Variants in HPGDS observed in about 807,000 individuals in gnomAD.
HPGDS encodes hematopoietic prostaglandin D synthase, also known as GST class-sigma.
A neutral mutation model predicts 23.1 loss-of-function variants in HPGDS; 26 were observed. The ratio of observed to expected loss-of-function variants is 1.13; its 90% CI spans 0.83 to 1.56. The LOEUF (loss-of-function observed/expected upper bound fraction) is 1.56, where lower values mean the gene tolerates loss of function less well. Among genes scored for constraint, HPGDS ranks in the 40% most tolerant of loss-of-function variants. The pLI, the probability that HPGDS is intolerant of heterozygous loss-of-function variation, is 0.00. For missense variants in HPGDS, 268 were observed against 236.4 expected (o/e 1.13, Z -0.88); for synonymous variants, 95 against 77.9 (o/e 1.22, Z -1.16).
At chr4:94,324,235 G>A (rs574249395) in intron 2 of HPGDS, among the ~76,000 whole-genome samples, 23 of 152,184 alleles carry the variant, frequency 1.5e-4, no homozygotes, top group African/African-American at 5.3e-4. Context: ...ACGATTACAT[G>A]TCTTGGAGTT....
intron 1 of HPGDS, among the ~76,000 whole-genome samples, chr4:94,337,385 A>G (rs1721044202): frequency 6.6e-6 from 1 of 152,030 alleles, no homozygotes; most frequent in Non-Finnish European, 1.5e-5. Flanking sequence ...ATTAAAAGTT[A>G]TTAGCATTAC....
chr4:94,325,879 G>A (rs1280084329), intron 2 of HPGDS, among the ~76,000 whole-genome samples: 3 of 152,116 alleles, frequency 2.0e-5, no homozygotes, highest in Non-Finnish European at 4.4e-5. Flanking sequence ...CACGCTGGGA[G>A]CTGCAGACTG....
chr4:94,310,651 GT>G lies in HPGDS; in HGVS notation c.227-1909del, dbSNP rs575889959. On this transcript the variant is annotated intron_variant, in intron 3 of 5. Coordinates refer to ENST00000295256, the MANE Select transcript of HPGDS (RefSeq NM_014485.3). ...TTGGTTCCATATGAACTTTAAAGTA[GT>G]TTTTTTCCAATTCTGTGAAGAAAGT... Among the ~76,000 whole-genome samples the G allele has an allele frequency of 8.6e-3, 1,306 of 152,196 alleles. 8 individuals carry two copies. Among genetic ancestry groups the G allele is most frequent in the Middle Eastern group, 0.054 (16 of 294 alleles).
chr4:94,301,961 A>C (rs1756048641), intron 5 of HPGDS, among the ~76,000 whole-genome samples, 185 bp downstream of exon 5: 1 of 152,160 alleles, frequency 6.6e-6, no homozygotes, highest in African/African-American at 2.4e-5. Context: ...ATATATAATT[A>C]TATAAAATAT....
chr4:94,336,083 G>A (rs1334291257), intron 1 of HPGDS, among the ~76,000 whole-genome samples: 2 of 152,032 alleles, frequency 1.3e-5, no homozygotes, highest in South Asian at 4.2e-4. Context: ...GTGCGCGCCT[G>A]TAATCCCAGC....
In HPGDS at chr4:94,311,438, G is replaced by A. The variant is rs576496770; in HGVS notation, c.227-2695C>T. 1.3e-4 allele frequency among the ~76,000 whole-genome samples: 19 copies of A among 151,292 alleles called. 1 individual carries two copies. The highest frequency in any genetic ancestry group is 1.2e-3 in the East Asian group (6 of 5,180). On this transcript the variant is annotated intron_variant, in intron 3 of 5. Transcript: ENST00000295256. ...CGGTTGTGTTTATATGCTGGATTAC[G>A]TTTATTGATTTGCATATGTTGAACC...
chr4:94,322,651 C>A (rs1209364481), intron 2 of HPGDS, among the ~76,000 whole-genome samples: 1 of 152,096 alleles, frequency 6.6e-6, no homozygotes, highest in Non-Finnish European at 1.5e-5. Flanking sequence ...ATTCTTCTCT[C>A]TTTTCTTCTT....
chr4:94,323,868 C>T (rs1219439440), intron 2 of HPGDS, among the ~76,000 whole-genome samples: 1 of 152,200 alleles, frequency 6.6e-6, no homozygotes, highest in Non-Finnish European at 1.5e-5. Flanking sequence ...ATGGTCTTTA[C>T]AATTTGGCAT....
chr4:94,309,060 T>G (rs1579429165), intron 3 of HPGDS, among the ~76,000 whole-genome samples: 1 of 147,206 alleles, frequency 6.8e-6, no homozygotes, highest in East Asian at 2.0e-4. Context: ...CTTTTTTTTT[T>G]TTTTTTTTTT....
intron 1 of HPGDS, among the ~76,000 whole-genome samples, chr4:94,338,200 G>A (rs1721062298): frequency 6.6e-6 from 1 of 152,184 alleles, no homozygotes; most frequent in South Asian, 2.1e-4. Context: ...GAGGCGGGCA[G>A]ATCACTTGAG....
intron 1 of HPGDS, among the ~76,000 whole-genome samples, chr4:94,340,305 C>CTTTTTTTTTTTTTTTT (rs781532046): frequency 3.8e-5 from 1 of 26,200 alleles, no homozygotes. Flanking sequence ...TTCTTTCTTT[C>CTTTTTTTTTTTTTTTT]TTTCTCTTTT....
intron 2 of HPGDS, among the ~76,000 whole-genome samples, chr4:94,323,514 T>C (rs1388658227): frequency 6.6e-6 from 1 of 152,212 alleles, no homozygotes; most frequent in Non-Finnish European, 1.5e-5. Flanking sequence ...TACCATTATG[T>C]AATGGCCTTC....
chr4:94,304,858 G>T (rs868404285), intron 4 of HPGDS, among the ~76,000 whole-genome samples: 5 of 152,122 alleles, frequency 3.3e-5, no homozygotes, highest in Middle Eastern at 3.4e-3. Flanking sequence ...CTGGGAGGTG[G>T]TCTCTGTTAT....
chr4:94,305,782 G>A lies in HPGDS; in HGVS notation c.336+2852C>T, dbSNP rs550422180. Among the ~76,000 whole-genome samples the A allele has an allele frequency of 5.3e-5, 8 of 152,106 alleles. No individual in the cohort carries two copies. The East Asian group carries it at 1.4e-3, about 26-fold the overall frequency. ...TCTTGTTTTCTTACTTGGAAGATGA[G>A]GATAACAGCAGTTTCATTCTAAAGG... is the stretch of plus-strand genomic sequence containing the variant. On this transcript the variant is annotated intron_variant, in intron 4 of 5. Coordinates refer to ENST00000295256, the MANE Select transcript of HPGDS (RefSeq NM_014485.3).
intron 1 of HPGDS, among the ~76,000 whole-genome samples, chr4:94,340,650 C>CTTTTT (rs35678433): frequency 3.1e-4 from 7 of 22,464 alleles, no homozygotes; most frequent in African/African-American, 2.3e-3. Context: ...GCCCCCCTCC[C>CTTTTT]TTTTTTTTTT....
chr4:94,332,575 G>T lies in HPGDS; in HGVS notation c.133+1922C>A, dbSNP rs567703316. On this transcript the variant is annotated intron_variant, in intron 2 of 5. Coordinates refer to ENST00000295256, the MANE Select transcript of HPGDS (RefSeq NM_014485.3). Reference sequence around the variant, plus strand: ...CCACACAGAGCTTGCTCCTGCCAGCGCCCAAAGCGGTCAGCTGGATCCCAT... The same window carrying T: ...CCACACAGAGCTTGCTCCTGCCAGCTCCCAAAGCGGTCAGCTGGATCCCAT... Among the ~76,000 whole-genome samples the T allele has an allele frequency of 1.3e-5, 2 of 152,212 alleles. 1 individual carries two copies. The highest frequency in any genetic ancestry group is 2.9e-5 in the Non-Finnish European group (2 of 68,040).
intron 1 of HPGDS, among the ~76,000 whole-genome samples, chr4:94,342,170 A>G (rs983610654): frequency 6.6e-6 from 1 of 152,008 alleles, no homozygotes; most frequent in Non-Finnish European, 1.5e-5. Context: ...TATCAACTAA[A>G]TGTCATTTTA....
chr4:94,323,858 A>G (rs1299441285), intron 2 of HPGDS, among the ~76,000 whole-genome samples: 1 of 152,074 alleles, frequency 6.6e-6, no homozygotes, highest in Non-Finnish European at 1.5e-5. Context: ...CCTTGCATTG[A>G]TGGTCTTTAC....
intron 2 of HPGDS, among the ~76,000 whole-genome samples, chr4:94,322,491 G>A (rs990391166): frequency 1.3e-5 from 2 of 152,122 alleles, no homozygotes; most frequent in African/African-American, 2.4e-5. Context: ...TTATTTTGGG[G>A]AAGGTGTATG....
Sources: allele counts gnomAD v4.1 joint callset (sites outside exome capture counted in the v4.1 genomes callset), GRCh38; gene constraint gnomAD v4.1.1; transcripts MANE v1.5; gene names NCBI Gene and HGNC (gene_info 2026-07-23, HGNC 2026-07-21).